Variants in FAM171B observed in about 807,000 individuals in gnomAD.
FAM171B encodes the protein protein FAM171B.
Under a neutral mutation model 75.6 loss-of-function variants are expected in FAM171B, and 19 were observed. The observed-to-expected ratio is 0.25, with a 90% CI of 0.18 to 0.37. The LOEUF (loss-of-function observed/expected upper bound fraction) is 0.37, where lower values mean the gene tolerates loss of function less well. Among genes scored for constraint, FAM171B ranks in the 10% least tolerant of loss-of-function variants. FAM171B has a pLI of 1.00. For synonymous variants in FAM171B, 367 were observed against 361.7 expected, an observed-to-expected ratio of 1.01 and a Z score of -0.17; for missense variants, 848 against 982.4, an observed-to-expected ratio of 0.86 and a Z score of 1.83.
chr2:186,751,639 G>A (rs1306344929), intron 5 of FAM171B, among the ~76,000 whole-genome samples: 1 of 152,112 alleles, frequency 6.6e-6, no homozygotes, highest in Non-Finnish European at 1.5e-5. Context: ...TAAAAGCGTG[G>A]TTTAAGGCCA....
At chr2:186,719,959 G>A (rs1455790622) in intron 1 of FAM171B, among the ~76,000 whole-genome samples, 1 of 152,174 alleles carries the variant, frequency 6.6e-6, no homozygotes, top group Non-Finnish European at 1.5e-5. Context: ...TCTTAAATAA[G>A]AAACAAGATA....
chr2:186,714,940 T>C (rs1343021154), intron 1 of FAM171B, among the ~76,000 whole-genome samples: 2 of 152,224 alleles, frequency 1.3e-5, no homozygotes, highest in Non-Finnish European at 2.9e-5. Flanking sequence ...GTTTGTGTTA[T>C]TCTCTCAGGC....
At chr2:186,743,424 G>A (rs1399356583) in intron 2 of FAM171B, 59 bp from the exon 3 acceptor site, 1 of 1,172,894 alleles carries the variant, frequency 8.5e-7, no homozygotes, top group Non-Finnish European at 1.3e-6. Flanking sequence ...AACTATATTT[G>A]TCCTAGTTTT....
chr2:186,743,814 G>T (rs979732977), intron 3 of FAM171B, among the ~76,000 whole-genome samples: 1 of 152,178 alleles, frequency 6.6e-6, no homozygotes, highest in African/African-American at 2.4e-5. Context: ...CAGGCACACT[G>T]TAGAGAACTT....
chr2:186,705,012 G>T (rs1689714866), intron 1 of FAM171B, among the ~76,000 whole-genome samples: 1 of 152,210 alleles, frequency 6.6e-6, no homozygotes, highest in Non-Finnish European at 1.5e-5. Flanking sequence ...AGCCTGTGAA[G>T]GTTCTTGGCT....
chr2:186,761,280 A>G (rs754597924), intron 7 of FAM171B, 44 bp downstream of exon 7: 2 of 1,605,910 alleles, frequency 1.2e-6, no homozygotes, highest in South Asian at 2.2e-5. Context: ...AAGTTATGGT[A>G]TCATTTCAGT....
chr2:186,743,625 A>G (rs767422183), intron 3 of FAM171B, 50 bp downstream of exon 3: 1 of 1,222,240 alleles, frequency 8.2e-7, no homozygotes, highest in Non-Finnish European at 1.2e-6. Context: ...ATTGTCGTAT[A>G]ACTGTACTTC....
At chr2:186,752,584 T>G (rs1690471958) in intron 5 of FAM171B, among the ~76,000 whole-genome samples, 1 of 152,176 alleles carries the variant, frequency 6.6e-6, no homozygotes, top group Non-Finnish European at 1.5e-5. Context: ...GTTAAGGCAC[T>G]TAAAAAAAGA....
chr2:186,752,883 T>C (rs557935795), intron 5 of FAM171B, among the ~76,000 whole-genome samples: 287 of 152,328 alleles, frequency 1.9e-3, no homozygotes, highest in Middle Eastern at 3.4e-3. Context: ...TAAAACTTCA[T>C]AAAAGGTACA....
chr2:186,712,087 G>C (rs1015575983), intron 1 of FAM171B, among the ~76,000 whole-genome samples: 1 of 151,998 alleles, frequency 6.6e-6, no homozygotes. Context: ...AAAGCATGTT[G>C]GTTCATAATA....
intron 1 of FAM171B, among the ~76,000 whole-genome samples, chr2:186,695,576 A>T (rs1254077095): frequency 6.6e-6 from 1 of 152,226 alleles, no homozygotes; most frequent in African/African-American, 2.4e-5. Flanking sequence ...GTACACAGGC[A>T]TGCCAGCTGC....
At chr2:186,696,009 T>C (rs1689573192) in intron 1 of FAM171B, among the ~76,000 whole-genome samples, 3 of 152,086 alleles carry the variant, frequency 2.0e-5, no homozygotes, top group Admixed American at 6.5e-5. Context: ...TATATATATA[T>C]GTTGTGATTA....
chr2:186,760,464 A>G (rs1690597875), intron 6 of FAM171B, among the ~76,000 whole-genome samples: 2 of 152,176 alleles, frequency 1.3e-5, no homozygotes, highest in Admixed American at 6.6e-5. Flanking sequence ...TCAACATTCT[A>G]TCTTAAAATC....
chr2:186,750,700 A>G (rs1014001912), intron 4 of FAM171B, among the ~76,000 whole-genome samples: 5 of 152,170 alleles, frequency 3.3e-5, no homozygotes, highest in Non-Finnish European at 5.9e-5. Flanking sequence ...GTGCAGCTAG[A>G]TCTGTGGGTT....
intron 1 of FAM171B, among the ~76,000 whole-genome samples, chr2:186,720,386 A>G (rs923865654): frequency 6.6e-6 from 1 of 152,184 alleles, no homozygotes; most frequent in Non-Finnish European, 1.5e-5. Flanking sequence ...TACTTAATAC[A>G]TGCTCACTGT....
chr2:186,728,469 A>G (rs980946273), intron 1 of FAM171B, among the ~76,000 whole-genome samples: 1 of 152,196 alleles, frequency 6.6e-6, no homozygotes, highest in Non-Finnish European at 1.5e-5. Context: ...ATCAGTAAAC[A>G]TTTGTTGAAT....
intron 1 of FAM171B, among the ~76,000 whole-genome samples, chr2:186,735,894 A>G (rs1190004925): frequency 6.6e-6 from 1 of 152,212 alleles, no homozygotes; most frequent in African/African-American, 2.4e-5. Context: ...TTGGCCTTTT[A>G]TTACTGAATG....
intron 6 of FAM171B, among the ~76,000 whole-genome samples, chr2:186,759,935 T>C (rs1244739120): frequency 6.6e-6 from 1 of 152,158 alleles, no homozygotes; most frequent in African/African-American, 2.4e-5. Flanking sequence ...GATTTAAGTC[T>C]TTAATCTATT....
At chr2:186,754,926 G>T (rs2105791202) in intron 6 of FAM171B, among the ~76,000 whole-genome samples, 1 of 152,142 alleles carries the variant, frequency 6.6e-6, no homozygotes, top group South Asian at 2.1e-4. Flanking sequence ...AATGAAAATT[G>T]GTCTGACATT....
Sources: gnomAD v4.1 joint callset for allele counts (sites outside exome capture counted in the v4.1 genomes callset) on GRCh38, gnomAD v4.1.1 for gene constraint, MANE v1.5 for transcripts, NCBI Gene and HGNC (gene_info 2026-07-23, HGNC 2026-07-21) for gene names.